LIN9: variants seen among roughly 807,000 people sequenced by gnomAD.
LIN9 encodes lin-9 DREAM MuvB core complex component.
Under a neutral mutation model 78.0 loss-of-function variants are expected in LIN9, and 18 were observed. The ratio of observed to expected loss-of-function variants is 0.23; its 90% CI spans 0.16 to 0.34. The LOEUF (loss-of-function observed/expected upper bound fraction) is 0.34, where lower values mean the gene tolerates loss of function less well. Ranked by LOEUF, LIN9 falls within the 10% of genes least tolerant of loss-of-function variation. LIN9 has a pLI of 1.00. For missense variants in LIN9, 451 were observed against 644.1 expected, an observed-to-expected ratio of 0.70 and a Z score of 3.25; for synonymous variants, 192 against 215.2, an observed-to-expected ratio of 0.89 and a Z score of 0.94.
intron 10 of LIN9, among the ~76,000 whole-genome samples, chr1:226,259,801 C>T (rs371363852): frequency 6.6e-6 from 1 of 151,154 alleles, no homozygotes; most frequent in Admixed American, 6.6e-5. Flanking sequence ...CTTGTAGTAT[C>T]GAATGCATAT....
chr1:226,307,147 T>A (rs1662967257), intron 1 of LIN9, among the ~76,000 whole-genome samples: 1 of 152,234 alleles, frequency 6.6e-6, no homozygotes, highest in East Asian at 1.9e-4. Context: ...ATGGCAGTTG[T>A]AAGAAAGCCA....
chr1:226,245,172 T>A (rs1576283949), intron 11 of LIN9, among the ~76,000 whole-genome samples: 1 of 152,240 alleles, frequency 6.6e-6, no homozygotes, highest in East Asian at 1.9e-4. Flanking sequence ...TATTTGGTTA[T>A]AATTTTATGT....
At chr1:226,285,628 G>A (rs575947236) in intron 6 of LIN9, among the ~76,000 whole-genome samples, 1 of 152,056 alleles carries the variant, frequency 6.6e-6, no homozygotes, top group Non-Finnish European at 1.5e-5. Context: ...GTAATATAAG[G>A]TTTTCCAATG....
intron 10 of LIN9, among the ~76,000 whole-genome samples, chr1:226,257,701 T>C (rs1006920513): frequency 6.6e-6 from 1 of 151,086 alleles, no homozygotes; most frequent in Non-Finnish European, 1.5e-5. Context: ...CAGAGAAAAA[T>C]GGAATTATAT....
intron 11 of LIN9, among the ~76,000 whole-genome samples, chr1:226,239,374 T>G (rs1657952316): frequency 6.6e-6 from 1 of 152,222 alleles, no homozygotes; most frequent in African/African-American, 2.4e-5. Flanking sequence ...GATAAATGTG[T>G]AAGCAATGTT....
At chr1:226,271,994 T>C (rs1660305322) in intron 7 of LIN9, among the ~76,000 whole-genome samples, 1 of 151,980 alleles carries the variant, frequency 6.6e-6, no homozygotes, top group Non-Finnish European at 1.5e-5. Flanking sequence ...AGTATAACTC[T>C]TGAAGACAGC....
Position 226,232,439 on chromosome 1 carries a change from T to TATAA in LIN9, c.*58_*61dup. 9.0e-7 allele frequency: 1 copy of TATAA among 1,115,226 alleles called. No homozygotes were observed. The highest frequency in any genetic ancestry group is 1.4e-5 in the South Asian group (1 of 70,890). The allele number at this position is 1,115,226 out of a possible 1,614,324, so 69.1% of individuals were successfully genotyped here. On this transcript the variant is annotated 3_prime_UTR_variant, in exon 15 of 15. Coordinates refer to ENST00000681046, the MANE Select transcript of LIN9 (RefSeq NM_001366245.2). ...TAGGTTATTTGGTGTTGGAAGCCTATATAAAGGAAAAGAACTTCTCAAAAA... is the reference window on the plus strand; with the variant it reads ...TAGGTTATTTGGTGTTGGAAGCCTATATAAATAAAGGAAAAGAACTTCTCAAAAA...
At chr1:226,266,426 G>T in intron 8 of LIN9, 94 bp from the exon 9 acceptor site, 1 of 979,118 alleles carries the variant, frequency 1.0e-6, no homozygotes, top group Non-Finnish European at 1.4e-6. Flanking sequence ...ATATATTCAC[G>T]CATATTCTAT....
At chr1:226,252,737 C>T (rs542645402) in intron 10 of LIN9, among the ~76,000 whole-genome samples, 55 of 152,126 alleles carry the variant, frequency 3.6e-4, no homozygotes, top group African/African-American at 1.3e-3. Context: ...CTTTGGGAGG[C>T]GGGTGGATCA....
Position 226,309,122 on chromosome 1 carries a change from C to A in LIN9, c.18G>T (p.Gln6His). The A allele has an allele frequency of 3.7e-6, 5 of 1,340,886 alleles. No homozygotes were observed. Among genetic ancestry groups the A allele is most frequent in the Non-Finnish European group, 3.9e-6 (4 of 1,033,694 alleles). 83.1% of individuals were successfully genotyped at this position (1,340,886 alleles called of 1,614,324 possible). MAELDQLPDESSSAKA... is the reference protein window; with the variant it reads MAELDHLPDESSSAKA... ...GGTGCTACTCACTCTCGTCAGGCAA[C>A]TGGTCGAGCTCCGCCATCTTGAACG... Residue 6 changes from glutamine to histidine, a missense_variant, in exon 1 of 15, where the codon CAG becomes CAT. Physicochemically the swap from Gln to His is conservative, Grantham distance 24. Transcript: ENST00000681046.
intron 11 of LIN9, among the ~76,000 whole-genome samples, chr1:226,245,754 C>A (rs373248496): frequency 1.3e-5 from 2 of 152,008 alleles, no homozygotes; most frequent in Non-Finnish European, 2.9e-5. Flanking sequence ...TGTGCCACCA[C>A]GCCTGGCTAA....
At position 226,289,207 on chromosome 1, in the gene LIN9, C is replaced by T. The variant is rs149259665; in HGVS notation, c.265-1410G>A. ...CAGAGATCACACCACTGCACTCCAG[C>T]CTGGGCGACAGAGTGAGACTCCATG... On this transcript the variant is annotated intron_variant, in intron 4 of 14. Transcript: ENST00000681046. 5.3e-3 allele frequency among the ~76,000 whole-genome samples: 811 copies of T among 151,860 alleles called. 5 individuals are homozygous for T. Among genetic ancestry groups the T allele is most frequent in the Non-Finnish European group, 8.1e-3 (550 of 67,988 alleles).
intron 1 of LIN9, among the ~76,000 whole-genome samples, chr1:226,306,800 T>C (rs191756727): frequency 1.3e-5 from 2 of 152,224 alleles, no homozygotes; most frequent in Non-Finnish European, 2.9e-5. Flanking sequence ...TGAAATCGCT[T>C]TTCCTTTTCA....
intron 11 of LIN9, among the ~76,000 whole-genome samples, chr1:226,240,395 T>G (rs1658032560): frequency 6.6e-6 from 1 of 151,410 alleles, no homozygotes; most frequent in African/African-American, 2.4e-5. Context: ...AGTTTTTTTT[T>G]TTTTTTTTTT....
intron 1 of LIN9, among the ~76,000 whole-genome samples, chr1:226,305,913 A>G (rs932094628): frequency 1.3e-5 from 2 of 152,188 alleles, no homozygotes; most frequent in Non-Finnish European, 2.9e-5. Flanking sequence ...GTAATTGGTA[A>G]AGAGAAGAAA....
chr1:226,236,605 G>A (rs547713072), intron 12 of LIN9, among the ~76,000 whole-genome samples: 17 of 152,060 alleles, frequency 1.1e-4, no homozygotes, highest in African/African-American at 3.4e-4. Context: ...ACAGGCGCCC[G>A]CCACCACGCC....
At chr1:226,247,641 T>G (rs1658566105) in intron 11 of LIN9, among the ~76,000 whole-genome samples, 1 of 151,690 alleles carries the variant, frequency 6.6e-6, no homozygotes, top group Non-Finnish European at 1.5e-5. Flanking sequence ...CCAGATCCTA[T>G]AATTCCTTAA....
intron 2 of LIN9, among the ~76,000 whole-genome samples, chr1:226,298,804 A>AAGCCAGGGTCAAAGCG (rs1339918783): frequency 6.6e-5 from 10 of 152,136 alleles, no homozygotes; most frequent in African/African-American, 2.4e-4. Context: ...AGGTCGAAGC[A>AAGCCAGGGTCAAAGCG]AGCCAGGGTC....
At position 226,266,346 on chromosome 1, in the gene LIN9, A is replaced by AT; in HGVS notation, c.817-15dup. 1 of 1,573,090 alleles carries AT rather than the reference A, an allele frequency of 6.4e-7. No individual in the cohort carries two copies. Among genetic ancestry groups the AT allele is most frequent in the Non-Finnish European group, 8.6e-7 (1 of 1,159,122 alleles). ...AGGTTCATTACTCTGAGAAAACAGA[A>AT]TAATTCACAAAACTTAAAGAAATTT... On this transcript the variant is annotated splice_polypyrimidine_tract_variant and intron_variant, in intron 8 of 14. Coordinates refer to ENST00000681046, the MANE Select transcript of LIN9 (RefSeq NM_001366245.2).
Sources: allele counts gnomAD v4.1 joint callset (sites outside exome capture counted in the v4.1 genomes callset), GRCh38; gene constraint gnomAD v4.1.1; transcripts MANE v1.5; gene names NCBI Gene and HGNC (gene_info 2026-07-23, HGNC 2026-07-21).